Variants in DENND2A observed in about 807,000 individuals in gnomAD.
DENND2A encodes DENN domain containing 2A, also known as DENN domain-containing protein 2A.
A neutral mutation model predicts 105.3 loss-of-function variants in DENND2A; 53 were observed. That is an observed-to-expected ratio of 0.50 (90% confidence interval 0.40 to 0.63). The LOEUF is 0.63. Among genes scored for constraint, DENND2A ranks in the 30% least tolerant of loss-of-function variants. DENND2A has a pLI of 0.00. For synonymous variants in DENND2A, 522 were observed against 508.4 expected (o/e 1.03, Z -0.36); for missense variants, 1,138 against 1,279.6 (o/e 0.89, Z 1.69).
chr7:140,534,294 T>A (rs184721486), intron 14 of DENND2A, among the ~76,000 whole-genome samples: 93 of 151,856 alleles, frequency 6.1e-4, no homozygotes, highest in African/African-American at 2.0e-3. Context: ...CATGTTGGCC[T>A]GGCTTATCTC....
At chr7:140,562,408 T>A (rs1017741877) in intron 9 of DENND2A, among the ~76,000 whole-genome samples, 2 of 151,218 alleles carry the variant, frequency 1.3e-5, no homozygotes, top group Admixed American at 1.3e-4. Context: ...ACGCCTGTAA[T>A]CCCAGCACTT....
At chr7:140,558,670 T>C (rs1389987620) in intron 10 of DENND2A, among the ~76,000 whole-genome samples, 2 of 119,876 alleles carry the variant, frequency 1.7e-5, no homozygotes, top group East Asian at 5.0e-4. Flanking sequence ...CACTCCAGCC[T>C]GGGGGAAGAA....
intron 11 of DENND2A, among the ~76,000 whole-genome samples, chr7:140,557,745 A>G (rs1236493011): frequency 6.7e-6 from 1 of 148,392 alleles, no homozygotes; most frequent in Non-Finnish European, 1.5e-5. Flanking sequence ...TCACCATGTT[A>G]GCCAGGATGG....
At chr7:140,619,637 T>C (rs921794851) in intron 1 of DENND2A, among the ~76,000 whole-genome samples, 2 of 151,930 alleles carry the variant, frequency 1.3e-5, no homozygotes, top group African/African-American at 4.8e-5. Flanking sequence ...CTAGCTGGGA[T>C]TGCAAGCGTG....
chr7:140,564,372 G>T (rs1476946165), intron 9 of DENND2A, among the ~76,000 whole-genome samples: 2 of 151,878 alleles, frequency 1.3e-5, no homozygotes, highest in Middle Eastern at 6.9e-3. Flanking sequence ...TAGAAAAATA[G>T]ACTAGGGAAT....
In DENND2A at chr7:140,573,833, C is replaced by A; in HGVS notation, c.1421G>T (p.Gly474Val). Residue 474 changes from glycine (G) to valine (V), a missense_variant, in exon 6 of 20, where the codon GGC (glycine) becomes GTC (valine). Transcript: ENST00000496613. ...CTTGGGTATCTTTCTCTTCTTCCTG[C>A]CGTTCTGTGGGTCTCCAAGGTTAAA... ...IFFNLGDPQN[G>V]RKKRKIPKLV... is the part of the protein sequence containing the mutation. 6.2e-7 allele frequency: 1 copy of A among 1,613,820 alleles called. No individual in the cohort carries two copies. Among genetic ancestry groups the A allele is most frequent in the Non-Finnish European group, 8.5e-7 (1 of 1,179,830 alleles).
chr7:140,568,375 A>C (rs1180917114), intron 8 of DENND2A, among the ~76,000 whole-genome samples: 1 of 152,196 alleles, frequency 6.6e-6, no homozygotes, highest in Non-Finnish European at 1.5e-5. Flanking sequence ...CAGATGAACT[A>C]GAGGCCCTGG....
At chr7:140,574,228 C>CT (rs1170742498) in intron 5 of DENND2A, among the ~76,000 whole-genome samples, 3 of 151,816 alleles carry the variant, frequency 2.0e-5, no homozygotes, top group Non-Finnish European at 2.9e-5. Flanking sequence ...AATTCAGTTT[C>CT]TTTTTTTTGA....
chr7:140,532,341 T>C (rs933302245), intron 14 of DENND2A, among the ~76,000 whole-genome samples: 3 of 152,214 alleles, frequency 2.0e-5, no homozygotes, highest in Non-Finnish European at 4.4e-5. Context: ...TCTCTTTTTA[T>C]AGCACGTTTG....
intron 13 of DENND2A, chr7:140,545,007 G>T: frequency 2.8e-6 from 1 of 353,318 alleles, no homozygotes; most frequent in Non-Finnish European, 4.0e-6. Flanking sequence ...TGAGACTGAG[G>T]ACAGTGTGGA....
Position 140,527,618 on chromosome 7 carries a change from G to A in DENND2A, c.2328-123C>T, listed in dbSNP as rs958885934. 31 of 1,047,064 alleles carry A rather than the reference G, an allele frequency of 3.0e-5. No homozygotes were observed. The highest frequency in any genetic ancestry group is 3.6e-5 in the Non-Finnish European group (27 of 741,466). 64.9% of individuals were successfully genotyped at this position (1,047,064 alleles called of 1,614,324 possible). On this transcript the variant is annotated intron_variant, in intron 14 of 19. Coordinates refer to ENST00000496613, the MANE Select transcript of DENND2A (RefSeq NM_015689.5). This position sits in a 1 kb window ranked among gnomAD's most constrained non-coding sequence, Gnocchi z 4.9. ...AAAGGACACACGTGGATGTGGATCC[G>A]GTGGAGCACATGATGGTCTCAGCAC... is the stretch of plus-strand genomic sequence containing the variant.
intron 7 of DENND2A, 61 bp downstream of exon 7, chr7:140,569,584 C>T: frequency 3.3e-6 from 4 of 1,227,084 alleles, no homozygotes; most frequent in Non-Finnish European, 4.8e-6. Context: ...CAGGAAGCCA[C>T]TTCTGGAAAG....
At chr7:140,614,264 C>T (rs1800007113) in intron 1 of DENND2A, among the ~76,000 whole-genome samples, 1 of 152,222 alleles carries the variant, frequency 6.6e-6, no homozygotes, top group East Asian at 1.9e-4. Flanking sequence ...ACCAAGACAT[C>T]CAGCTAATTT....
intron 5 of DENND2A, among the ~76,000 whole-genome samples, chr7:140,583,915 GACTCCGTCTCGAAAA>G (rs1798659286): frequency 7.9e-6 from 1 of 126,606 alleles, no homozygotes; most frequent in Admixed American, 8.4e-5. Context: ...GACAGAGCAA[GACTCCGTCTCGAAAA>G]AAAAAAAAAA....
At chr7:140,631,370 T>C (rs2130737699) in intron 1 of DENND2A, among the ~76,000 whole-genome samples, 1 of 152,260 alleles carries the variant, frequency 6.6e-6, no homozygotes, top group African/African-American at 2.4e-5. Context: ...GGGTTGTGTG[T>C]GTACCCAGAA....
chr7:140,598,166 G>A (rs1799354066), intron 3 of DENND2A, among the ~76,000 whole-genome samples: 1 of 152,126 alleles, frequency 6.6e-6, no homozygotes, highest in Admixed American at 6.6e-5. Flanking sequence ...CACATTTAAG[G>A]ATGGGTTAAT....
intron 5 of DENND2A, among the ~76,000 whole-genome samples, chr7:140,578,585 G>C (rs890806791): frequency 6.6e-6 from 1 of 152,166 alleles, no homozygotes. Flanking sequence ...TATATACAGA[G>C]AAAGGCATAC....
intron 14 of DENND2A, among the ~76,000 whole-genome samples, chr7:140,530,886 C>T (rs1796238790): frequency 6.6e-6 from 1 of 152,134 alleles, no homozygotes; most frequent in Non-Finnish European, 1.5e-5. Flanking sequence ...CATGCGCCAC[C>T]ATGCCTGGCT....
intron 1 of DENND2A, among the ~76,000 whole-genome samples, chr7:140,631,784 T>A (rs1222896697): frequency 6.6e-6 from 1 of 151,862 alleles, no homozygotes; most frequent in African/African-American, 2.4e-5. Context: ...CAGCTCAGAG[T>A]ATTAAGTAGA....
Sources: allele counts gnomAD v4.1 joint callset (sites outside exome capture counted in the v4.1 genomes callset), GRCh38; gene constraint gnomAD v4.1.1; non-coding constraint Gnocchi (gnomAD v3.1); transcripts MANE v1.5; gene names NCBI Gene and HGNC (gene_info 2026-07-23, HGNC 2026-07-21).